FREM2: variants seen among roughly 807,000 people sequenced by gnomAD.
The protein encoded by FREM2 is FRAS1-related extracellular matrix protein 2.
FREM2 carries 119 observed loss-of-function variants against 219.9 expected under a neutral mutation model. That is an observed-to-expected ratio of 0.54 (90% CI 0.47 to 0.63). The LOEUF (loss-of-function observed/expected upper bound fraction) is 0.63. FREM2 is among the 30% of genes least tolerant of loss of function. The probability of loss-of-function intolerance (pLI) is 0.00; values close to 1 mark genes in which losing one functional copy is unlikely to be tolerated. For synonymous variants in FREM2, 1,562 were observed against 1,522.8 expected (o/e 1.03, Z -0.60); for missense variants, 4,030 against 3,993.6 (o/e 1.01, Z -0.25).
intron 6 of FREM2, among the ~76,000 whole-genome samples, chr13:38,845,370 A>G (rs912734653): frequency 1.3e-5 from 2 of 152,166 alleles, no homozygotes; most frequent in South Asian, 2.1e-4. Flanking sequence ...GAAACATGAT[A>G]TCATGTTTTT....
chr13:38,858,921 T>C (rs1476626050), intron 13 of FREM2, among the ~76,000 whole-genome samples: 3 of 138,948 alleles, frequency 2.2e-5, no homozygotes, highest in Admixed American at 7.9e-5. Context: ...TAAGCAATAC[T>C]GTTAAAGAAG....
At position 38,881,098 on chromosome 13, in the gene FREM2, A is replaced by C; in HGVS notation, c.*311A>C. The C allele has an allele frequency of 2.4e-6, 1 of 421,420 alleles. No homozygotes were observed. The allele number at this position is 421,420 out of a possible 1,614,324, so 26.1% of individuals were successfully genotyped here. The stretch of plus-strand genomic sequence containing the variant: ...TATGCAGTGGAGATAAATCTATTAA[A>C]AGGTGCTAACAGACTCTCTTACAAG... On this transcript the variant is annotated 3_prime_UTR_variant, in exon 24 of 24. Coordinates refer to ENST00000280481, the MANE Select transcript of FREM2 (RefSeq NM_207361.6).
At position 38,751,716 on chromosome 13, in the gene FREM2, A is replaced by C. The variant is rs144855040; in HGVS notation, c.5264-12588A>C. On this transcript the variant is annotated intron_variant, in intron 2 of 23. Coordinates refer to ENST00000280481, the MANE Select transcript of FREM2 (RefSeq NM_207361.6). ...CATTTCACAGAAAGGACTATATGTA[A>C]ACCAACTTTATACTTCCTAACATAT... 6.1e-3 allele frequency among the ~76,000 whole-genome samples: 924 copies of C among 152,288 alleles called. 13 individuals are homozygous for C. Among genetic ancestry groups the C allele is most frequent in the African/African-American group, 0.021 (881 of 41,558 alleles).
chr13:38,749,169 C>A (rs1304142637), intron 2 of FREM2, among the ~76,000 whole-genome samples: 1 of 152,140 alleles, frequency 6.6e-6, no homozygotes, highest in Non-Finnish European at 1.5e-5. Flanking sequence ...ATACTGAAAT[C>A]TAAATCATGC....
At chr13:38,874,418 G>A in intron 17 of FREM2, 64 bp from the exon 18 acceptor site, 2 of 1,283,520 alleles carry the variant, frequency 1.6e-6, no homozygotes, top group Non-Finnish European at 2.3e-6. Context: ...TTTTTGGAAG[G>A]AATCTGTACA....
At chr13:38,825,435 A>T (rs925980849) in intron 6 of FREM2, among the ~76,000 whole-genome samples, 15 of 132,582 alleles carry the variant, frequency 1.1e-4, no homozygotes, top group African/African-American at 3.5e-4. Flanking sequence ...CTTATTTATT[A>T]AAAAAAAACC....
intron 6 of FREM2, among the ~76,000 whole-genome samples, chr13:38,800,517 T>A (rs1217242891): frequency 6.6e-6 from 1 of 152,196 alleles, no homozygotes; most frequent in Non-Finnish European, 1.5e-5. Flanking sequence ...ACTTTGACTA[T>A]AATGTGCTGT....
At chr13:38,856,045 T>TAAAAAAAAAAAA (rs34182165) in intron 11 of FREM2, 81 bp from the exon 12 acceptor site, 5 of 602,282 alleles carry the variant, frequency 8.3e-6, no homozygotes, top group Non-Finnish European at 1.1e-5. Context: ...TAGGCCACAG[T>TAAAAAAAAAAAA]AAAAAAAAAA....
chr13:38,819,621 TA>T (rs1452165143), intron 6 of FREM2, among the ~76,000 whole-genome samples: 4 of 152,180 alleles, frequency 2.6e-5, no homozygotes, highest in Non-Finnish European at 1.5e-5. Flanking sequence ...CTTATGTCTT[TA>T]TTTTTTAGGG....
At position 38,688,702 on chromosome 13, in the gene FREM2, A is replaced by T; in HGVS notation, c.1358A>T (p.Gln453Leu). ...ACCGGTCTTATTCTCTATGAGGGTC[A>T]GTCTCGGCCCCTCACAGGCCCTGCA... ...RNTGLILYEG[Q>L]SRPLTGPAGS... Residue 453 changes from glutamine to leucine, a missense_variant, in exon 1 of 24, where the codon CAG becomes CTG. Gln to Leu is a moderately radical substitution (Grantham distance 113, BLOSUM62 -2). Around this residue, in one of 2 missense-constraint regions of FREM2, gnomAD observed 3,102 missense variants for 2,950.7 expected, o/e 1.05. Transcript: ENST00000280481. The T allele has an allele frequency of 6.2e-7, 1 of 1,614,030 alleles. No individual in the cohort carries two copies. The highest frequency in any genetic ancestry group is 8.5e-7 in the Non-Finnish European group (1 of 1,179,908).
At chr13:38,791,071 T>C (rs1215404917) in intron 6 of FREM2, among the ~76,000 whole-genome samples, 1 of 152,160 alleles carries the variant, frequency 6.6e-6, no homozygotes, top group Non-Finnish European at 1.5e-5. Context: ...AACAGCTTAC[T>C]TCTCATAGAT....
rs148556660 is a variant in FREM2, at chr13:38,869,019, C to T, written c.7984-3723C>T. Among the ~76,000 whole-genome samples the T allele has an allele frequency of 8.9e-3, 1,362 of 152,312 alleles. 22 individuals carry two copies. Among genetic ancestry groups the T allele is most frequent in the African/African-American group, 0.03 (1,255 of 41,564 alleles). On this transcript the variant is annotated intron_variant, in intron 16 of 23. Coordinates refer to ENST00000280481, the MANE Select transcript of FREM2 (RefSeq NM_207361.6). ...ACAATCCCACAGAGCCCAGGCCAAG[C>T]GCCTAGCAGACATTACTTGCCCTCC...
chr13:38,736,609 A>T (rs9576606), intron 2 of FREM2, among the ~76,000 whole-genome samples: 2 of 152,242 alleles, frequency 1.3e-5, no homozygotes, highest in Middle Eastern at 3.4e-3. Flanking sequence ...GATCTTATAT[A>T]GTAAGACTGT....
chr13:38,831,398 A>G, intron 6 of FREM2, among the ~76,000 whole-genome samples: 1 of 152,122 alleles, frequency 6.6e-6, no homozygotes, highest in East Asian at 1.9e-4. Flanking sequence ...AGAATCTCTG[A>G]TATCATTATC....
intron 6 of FREM2, among the ~76,000 whole-genome samples, chr13:38,797,696 GT>G (rs1874847013): frequency 6.6e-6 from 1 of 151,762 alleles, no homozygotes; most frequent in South Asian, 2.1e-4. Flanking sequence ...ATGTTCCCAA[GT>G]TTTCCCCATT....
chr13:38,705,286 G>C (rs1156884232), intron 2 of FREM2, among the ~76,000 whole-genome samples: 1 of 152,084 alleles, frequency 6.6e-6, no homozygotes, highest in Non-Finnish European at 1.5e-5. Context: ...GAAAAAAGGA[G>C]ACCGTAAGCA....
chr13:38,801,989 T>G (rs1319834738), intron 6 of FREM2, among the ~76,000 whole-genome samples: 1 of 152,168 alleles, frequency 6.6e-6, no homozygotes, highest in Non-Finnish European at 1.5e-5. Flanking sequence ...ATCGGCAGGT[T>G]GGTTTGCCCC....
intron 2 of FREM2, among the ~76,000 whole-genome samples, chr13:38,733,458 C>T (rs1379657796): frequency 6.6e-6 from 1 of 151,950 alleles, no homozygotes; most frequent in Non-Finnish European, 1.5e-5. Context: ...CCTTACTATC[C>T]ACCATAAACT....
Position 38,880,296 on chromosome 13 carries a change from C to A in FREM2, c.9019C>A (p.Arg3007=). 1 of 1,613,480 alleles carries A rather than the reference C, an allele frequency of 6.2e-7. No individual in the cohort carries two copies. The highest frequency in any genetic ancestry group is 8.5e-7 in the Non-Finnish European group (1 of 1,179,900). ...STPLFQVALG[R]EWYIHTIYTV... Reference sequence around the variant, plus strand: ...TTGTGCTTTCTAGGTCGCTCTAGGCCGAGAATGGTATATACATACGATCTA... The same window carrying A: ...TTGTGCTTTCTAGGTCGCTCTAGGCAGAGAATGGTATATACATACGATCTA... Residue 3007 remains arginine, a synonymous_variant, in exon 24 of 24, where the codon CGA becomes AGA. Transcript: ENST00000280481.
Sources: gnomAD v4.1 joint callset for allele counts (sites outside exome capture counted in the v4.1 genomes callset) on GRCh38, gnomAD v4.1.1 for gene constraint, gnomAD v4.1.1 regional missense constraint, MANE v1.5 for transcripts, NCBI Gene and HGNC (gene_info 2026-07-23, HGNC 2026-07-21) for gene names.